The following SNX15 variants were observed in gnomAD, a reference collection of about 807,000 sequenced individuals.
The protein encoded by SNX15 is sorting nexin-15.
Under a neutral mutation model 35.2 loss-of-function variants are expected in SNX15, and 29 were observed. The observed-to-expected ratio is 0.82, with a 90% CI of 0.61 to 1.12. The LOEUF is 1.12. Among genes scored for constraint, SNX15 ranks in the 50% most tolerant of loss-of-function variants. SNX15 has a pLI of 0.00. For synonymous variants in SNX15, 189 were observed against 188.2 expected, an observed-to-expected ratio of 1.00 and a Z score of -0.03; for missense variants, 400 against 451.5, an observed-to-expected ratio of 0.89 and a Z score of 1.03.
chr11:65,034,007 C>T (rs757164558), intron 3 of SNX15, among the ~76,000 whole-genome samples: 2 of 152,064 alleles, frequency 1.3e-5, no homozygotes, highest in East Asian at 1.9e-4. Context: ...CGCACCTGGC[C>T]GAGATGTTCT....
rs1178281810 is a variant in SNX15, at chr11:65,040,450, CTTTT to C, written c.*662_*665del. On this transcript the variant is annotated 3_prime_UTR_variant, in exon 8 of 8. Coordinates refer to ENST00000377244, the MANE Select transcript of SNX15 (RefSeq NM_013306.5). ...GTAAGGGCTGTGAGAGTGGTTTTTA[CTTTT>C]TTTAATGATTAAAAAAATCAAAATA... is the stretch of plus-strand genomic sequence containing the variant. The C allele has an allele frequency of 1.3e-5, 2 of 151,690 alleles. No individual in the cohort carries two copies. The highest frequency in any genetic ancestry group is 4.8e-5 in the African/African-American group (2 of 41,294). The allele number at this position is 151,690 out of a possible 1,614,324, so 9.4% of individuals were successfully genotyped here.
At chr11:65,036,062 A>G (rs796122861) in intron 6 of SNX15, 94 of 165,742 alleles carry the variant, frequency 5.7e-4, no homozygotes, top group African/African-American at 2.1e-3. Context: ...CTGCTGGTCA[A>G]TGGGAGTGAG....
chr11:65,033,359 G>A (rs1174733965), intron 3 of SNX15, among the ~76,000 whole-genome samples: 8 of 151,758 alleles, frequency 5.3e-5, no homozygotes, highest in African/African-American at 1.5e-4. Context: ...CCTGGCCAAC[G>A]TGGTGAAACC....
At chr11:65,028,688 TA>T (rs5792345) in intron 1 of SNX15, among the ~76,000 whole-genome samples, 8,979 of 108,462 alleles carry the variant, frequency 0.083, 392 homozygotes, top group South Asian at 0.23. Flanking sequence ...CACACAACTT[TA>T]AAAAAAAAAA....
At chr11:65,039,228 TA>T (rs761777511) in intron 7 of SNX15, among the ~76,000 whole-genome samples, 23 of 150,120 alleles carry the variant, frequency 1.5e-4, no homozygotes, top group South Asian at 4.2e-4. Flanking sequence ...TTTATTTATT[TA>T]TTTTTATTTT....
chr11:65,032,471 A>G lies in SNX15; in HGVS notation c.176A>G (p.His59Arg), dbSNP rs1206690145. 6 of 1,614,072 alleles carry G rather than the reference A, an allele frequency of 3.7e-6. No individual in the cohort carries two copies. The highest frequency in any genetic ancestry group is 3.4e-6 in the Non-Finnish European group (4 of 1,180,030). ...WKRYSDFRKL[H>R]GDLAYTHRNL... ...CGGTACAGCGACTTCCGCAAGCTGC[A>G]TGGAGACCTGGCCTACACCCACCGC... Residue 59 changes from histidine to arginine, a missense_variant, in exon 3 of 8, where the codon CAT becomes CGT. By Grantham distance (29) the His-to-Arg change is conservative. Coordinates refer to ENST00000377244, the MANE Select transcript of SNX15 (RefSeq NM_013306.5).
chr11:65,040,139 T>C lies in SNX15; in HGVS notation c.*347T>C, dbSNP rs769147131. 1.5e-5 allele frequency: 3 copies of C among 204,158 alleles called. No homozygotes were observed. Among genetic ancestry groups the C allele is most frequent in the African/African-American group, 2.3e-5 (1 of 43,376 alleles). 12.6% of individuals were successfully genotyped at this position (204,158 alleles called of 1,614,324 possible). A position where few individuals can be genotyped will look rare whatever the true frequency, so the allele number is the denominator to read the frequency against. ...GTCTCAGCCTCCCCAGTAGCTGAGA[T>C]TGCAGGCACATGCCACCACGCCCAG... On this transcript the variant is annotated 3_prime_UTR_variant, in exon 8 of 8. Coordinates refer to ENST00000377244, the MANE Select transcript of SNX15 (RefSeq NM_013306.5).
intron 1 of SNX15, among the ~76,000 whole-genome samples, chr11:65,030,184 G>A (rs918362695): frequency 1.7e-4 from 26 of 151,662 alleles, no homozygotes; most frequent in Non-Finnish European, 2.2e-4. Flanking sequence ...GTGAAACCCC[G>A]TCTCTACTAA....
At position 65,039,739 on chromosome 11, in the gene SNX15, C is replaced by T. The variant is rs767536059; in HGVS notation, c.976C>T (p.Leu326=). The change falls in exon 8 of 8, where the codon CTG becomes TTG. Residue 326 remains leucine, a synonymous_variant. Transcript: ENST00000377244. ...TGTGAAGAAGAAGGCAGCTGAGTAC[C>T]TGAAGCGGGCAGAGGAGATCCTGCG... ...EGVKKKAAEY[L]KRAEEILRLH... 2 of 1,613,696 alleles carry T rather than the reference C, an allele frequency of 1.2e-6. No individual in the cohort carries two copies. Among genetic ancestry groups the T allele is most frequent in the Non-Finnish European group, 1.7e-6 (2 of 1,179,878 alleles).
At chr11:65,039,387 C>T (rs907850052) in intron 7 of SNX15, among the ~76,000 whole-genome samples, 2 of 151,950 alleles carry the variant, frequency 1.3e-5, no homozygotes, top group Non-Finnish European at 2.9e-5. Context: ...CCACGCCCAG[C>T]GAATTTTTGT....
chr11:65,032,256 T>C (rs747168036), intron 2 of SNX15, 53 bp downstream of exon 2: 2 of 1,595,064 alleles, frequency 1.3e-6, no homozygotes, highest in East Asian at 2.2e-5. Context: ...ATCTGGAAAC[T>C]GTCAAGGGGC....
chr11:65,035,514 C>T lies in SNX15; in HGVS notation c.521-6C>T, dbSNP rs1565198731. 1 of 1,580,758 alleles carries T rather than the reference C, an allele frequency of 6.3e-7. No homozygotes were observed. Among genetic ancestry groups the T allele is most frequent in the Non-Finnish European group, 8.6e-7 (1 of 1,167,452 alleles). Reference sequence around the variant, plus strand: ...GTATTCATGACCCCACTTATCTCTTCCTCAGTGGACCCCCCACCATCCAGC... The same window carrying T: ...GTATTCATGACCCCACTTATCTCTTTCTCAGTGGACCCCCCACCATCCAGC... On this transcript the variant is annotated splice_polypyrimidine_tract_variant and splice_region_variant and intron_variant, in intron 5 of 7. Transcript: ENST00000377244.
chr11:65,039,029 C>CTTTTTTTTTTTTTTTTGTTTTTTT (rs1946538489), intron 7 of SNX15, among the ~76,000 whole-genome samples, 200 bp downstream of exon 7: 1 of 72,528 alleles, frequency 1.4e-5, no homozygotes, highest in African/African-American at 4.6e-5. Flanking sequence ...TCTTCTTCCT[C>CTTTTTTTTTTTTTTTTGTTTTTTT]TTTTTTTTTT....
chr11:65,039,131 C>A (rs1946543061), intron 7 of SNX15, among the ~76,000 whole-genome samples: 1 of 149,016 alleles, frequency 6.7e-6, no homozygotes, highest in Non-Finnish European at 1.5e-5. Flanking sequence ...TCAAGTGATT[C>A]TACTGCCTCA....
At chr11:65,030,731 G>A (rs1007968363) in intron 1 of SNX15, among the ~76,000 whole-genome samples, 1 of 152,100 alleles carries the variant, frequency 6.6e-6, no homozygotes, top group Admixed American at 6.5e-5. Context: ...TCGAACTCCT[G>A]ACCTCAAGTG....
intron 6 of SNX15, chr11:65,037,562 C>T (rs1423327508): frequency 1.3e-5 from 2 of 152,272 alleles, no homozygotes; most frequent in African/African-American, 4.8e-5. Context: ...ATGAGACATT[C>T]ACTCAGCCCA....
In SNX15 at chr11:65,033,910, G is replaced by A. The variant is rs550723451; in HGVS notation, c.257-937G>A. 2.1e-3 allele frequency among the ~76,000 whole-genome samples: 320 copies of A among 152,066 alleles called. 1 individual carries two copies. The highest frequency in any genetic ancestry group is 7.2e-3 in the African/African-American group (300 of 41,498). On this transcript the variant is annotated intron_variant, in intron 3 of 7. Transcript: ENST00000377244. The stretch of plus-strand genomic sequence containing the variant: ...TTTAGTAGAGACAGGGTTTCACCAT[G>A]TTGGCCAGGCTGGTCTCGAACTCCT...
At position 65,028,896 on chromosome 11, in the gene SNX15, A is replaced by G. The variant is rs370731436; in HGVS notation, c.99+1260A>G. ...ATCACGAGGTCAGGAGATCGAGACC[A>G]TCCTGGCTACCATGGTGAAACCCCA... On this transcript the variant is annotated intron_variant, in intron 1 of 7. Coordinates refer to ENST00000377244, the MANE Select transcript of SNX15 (RefSeq NM_013306.5). Among the ~76,000 whole-genome samples the G allele has an allele frequency of 5.3e-5, 8 of 151,894 alleles. No homozygotes were observed. In the East Asian group the frequency reaches 1.2e-3, roughly 22 times the overall value.
At chr11:65,028,269 T>C (rs1946397523) in intron 1 of SNX15, among the ~76,000 whole-genome samples, 1 of 152,170 alleles carries the variant, frequency 6.6e-6, no homozygotes, top group Non-Finnish European at 1.5e-5. Flanking sequence ...ACCTGTAGAA[T>C]GATAACAAGA....
Sources: gnomAD v4.1 joint callset for allele counts (sites outside exome capture counted in the v4.1 genomes callset) on GRCh38, gnomAD v4.1.1 for gene constraint, MANE v1.5 for transcripts, NCBI Gene and HGNC (gene_info 2026-07-23, HGNC 2026-07-21) for gene names.